LTBP2: variants seen among roughly 807,000 people sequenced by gnomAD.
LTBP2 encodes latent-transforming growth factor beta-binding protein 2.
Under a neutral mutation model 210.6 loss-of-function variants are expected in LTBP2, and 103 were observed. The observed-to-expected ratio is 0.49, with a 90% confidence interval of 0.42 to 0.58. The LOEUF is 0.58. Ranked by LOEUF, LTBP2 falls within the 20% of genes least tolerant of loss-of-function variation. LTBP2 has a pLI of 0.00. For missense variants in LTBP2, 2,313 were observed against 2,494.5 expected (o/e 0.93, Z 1.55); for synonymous variants, 1,007 against 1,015.0 (o/e 0.99, Z 0.15).
intron 3 of LTBP2, among the ~76,000 whole-genome samples, chr14:74,574,502 G>A (rs1427356844): frequency 6.6e-6 from 1 of 152,148 alleles, no homozygotes; most frequent in Non-Finnish European, 1.5e-5. Context: ...TCTAAAGTGG[G>A]GACAGCAAGG....
chr14:74,524,258 G>A (rs563319552), intron 15 of LTBP2, among the ~76,000 whole-genome samples: 3 of 152,294 alleles, frequency 2.0e-5, no homozygotes, highest in Non-Finnish European at 2.9e-5. Context: ...CTGGAGCAGC[G>A]CTTTGAGCCC....
intron 3 of LTBP2, among the ~76,000 whole-genome samples, chr14:74,556,779 A>C (rs1343191531): frequency 6.6e-6 from 1 of 152,146 alleles, no homozygotes; most frequent in African/African-American, 2.4e-5. Context: ...TGGCCTCCCA[A>C]AGTGTTGGGA....
intron 3 of LTBP2, among the ~76,000 whole-genome samples, chr14:74,561,984 T>A (rs2087800044): frequency 6.6e-6 from 1 of 152,024 alleles, no homozygotes; most frequent in South Asian, 2.1e-4. Context: ...CCGAGGCGGA[T>A]GGATCACCTG....
At chr14:74,592,453 T>G (rs577702183) in intron 2 of LTBP2, among the ~76,000 whole-genome samples, 1 of 152,166 alleles carries the variant, frequency 6.6e-6, no homozygotes, top group Non-Finnish European at 1.5e-5. Context: ...AGGATTGCCT[T>G]AGTCCAAGGG....
chr14:74,579,624 C>T lies in LTBP2; in HGVS notation c.830+6230G>A, dbSNP rs116954161. ...ATGCAGGCACATGCTGCCATACGCT[C>T]CCAGCAGTCCTGGCACTCACCACCT... On this transcript the variant is annotated intron_variant, in intron 3 of 35. Coordinates refer to ENST00000261978, the MANE Select transcript of LTBP2 (RefSeq NM_000428.3). Among the ~76,000 whole-genome samples, 8 of 152,360 alleles carry T rather than the reference C, an allele frequency of 5.3e-5. No homozygotes were observed. In the East Asian group the frequency reaches 1.5e-3, roughly 29 times the overall value.
intron 3 of LTBP2, among the ~76,000 whole-genome samples, chr14:74,569,984 A>G (rs1023440884): frequency 6.6e-6 from 1 of 152,168 alleles, no homozygotes; most frequent in South Asian, 2.1e-4. Flanking sequence ...GTGATGCTGC[A>G]TTAACTACAA....
At chr14:74,509,020 A>G (rs1207098460) in intron 22 of LTBP2, 68 bp from the exon 23 acceptor site, 3 of 1,602,648 alleles carry the variant, frequency 1.9e-6, no homozygotes, top group Admixed American at 1.7e-5. Flanking sequence ...GTCAAGGGGG[A>G]AGTCTCCAGA....
At chr14:74,600,089 G>A (rs1004480496) in intron 2 of LTBP2, among the ~76,000 whole-genome samples, 1 of 152,204 alleles carries the variant, frequency 6.6e-6, no homozygotes, top group African/African-American at 2.4e-5. Context: ...GCCAGCTGAC[G>A]GGGTGTGGAG....
At chr14:74,554,071 G>A (rs889578213) in intron 4 of LTBP2, among the ~76,000 whole-genome samples, 2 of 151,974 alleles carry the variant, frequency 1.3e-5, no homozygotes, top group Admixed American at 6.6e-5. Flanking sequence ...CAGCGTTCCA[G>A]AGGAAATGAC....
At chr14:74,599,974 G>C (rs2088421745) in intron 2 of LTBP2, among the ~76,000 whole-genome samples, 5 of 152,226 alleles carry the variant, frequency 3.3e-5, no homozygotes, top group Non-Finnish European at 1.5e-5. Context: ...GAAACTGCTA[G>C]GACAGAATCA....
rs1487751440 is a variant in LTBP2 at position 74,505,202 on chromosome 14, C to T, written c.4178-28G>A. 5 of 1,608,490 alleles carry T rather than the reference C, an allele frequency of 3.1e-6. No homozygotes were observed. In the Admixed American group the frequency reaches 5.0e-5, roughly 16 times the overall value. ...GTGCGTGACAGATGCTCATTACTGT[C>T]TGTTCATGACCCTCTAAGGGGGGTC... is the stretch of plus-strand genomic sequence containing the variant. On this transcript the variant is annotated intron_variant, in intron 28 of 35. Transcript: ENST00000261978.
At position 74,532,558 on chromosome 14, in the gene LTBP2, T is replaced by G; in HGVS notation, c.1865-10A>C. ...AAGCACTCGTTGATATCTGCAGGGT[T>G]GGAGGAGATGACCAAGTGCCCGCCC... On this transcript the variant is annotated splice_polypyrimidine_tract_variant and intron_variant, in intron 9 of 35. Coordinates refer to ENST00000261978, the MANE Select transcript of LTBP2 (RefSeq NM_000428.3). The G allele has an allele frequency of 6.2e-7, 1 of 1,613,934 alleles. No individual in the cohort carries two copies.
In LTBP2 at chr14:74,500,581, G is replaced by T; in HGVS notation, c.*303C>A. On this transcript the variant is annotated 3_prime_UTR_variant, in exon 36 of 36. Coordinates refer to ENST00000261978, the MANE Select transcript of LTBP2 (RefSeq NM_000428.3). ...CCTTGCATGCTCGCACAGCTTGGGA[G>T]GGTGGATGAGGGCCATCCTTTGGTA... 1 of 507,708 alleles carries T rather than the reference G, an allele frequency of 2.0e-6. No individual in the cohort carries two copies. Among genetic ancestry groups the T allele is most frequent in the Non-Finnish European group, 3.6e-6 (1 of 276,414 alleles). 31.5% of individuals were successfully genotyped at this position (507,708 alleles called of 1,614,324 possible). A position where few individuals can be genotyped will look rare whatever the true frequency, so the allele number is the denominator to read the frequency against.
chr14:74,499,856 G>A lies in LTBP2; in HGVS notation c.*1028C>T, dbSNP rs183438163. 1.1e-4 allele frequency: 26 copies of A among 230,756 alleles called. No individual in the cohort carries two copies. Among genetic ancestry groups the A allele is most frequent in the Admixed American group, 3.4e-4 (6 of 17,658 alleles). The allele number at this position is 230,756 out of a possible 1,614,324, so 14.3% of individuals were successfully genotyped here. On this transcript the variant is annotated 3_prime_UTR_variant, in exon 36 of 36. Transcript: ENST00000261978. ...TAAACTCAGAGGAATGCCTGCCATC[G>A]TTTTCTGAAGGGAAAGGGCAGGGGT...
At chr14:74,532,014 G>A (rs2087356295) in intron 10 of LTBP2, among the ~76,000 whole-genome samples, 1 of 152,236 alleles carries the variant, frequency 6.6e-6, no homozygotes, top group Non-Finnish European at 1.5e-5. Flanking sequence ...CTCCATGAAT[G>A]CTATGGACAG....
chr14:74,580,375 C>T (rs990509104), intron 3 of LTBP2, among the ~76,000 whole-genome samples: 1 of 152,078 alleles, frequency 6.6e-6, no homozygotes, highest in Admixed American at 6.5e-5. Context: ...TAGGGAGGAC[C>T]CTAAATCCAA....
At chr14:74,600,113 C>T (rs1384238532) in intron 2 of LTBP2, among the ~76,000 whole-genome samples, 1 of 152,214 alleles carries the variant, frequency 6.6e-6, no homozygotes, top group Non-Finnish European at 1.5e-5. Flanking sequence ...AGAGCCCCAC[C>T]TTCTGCGGAG....
At chr14:74,585,748 C>T (rs2088195126) in intron 3 of LTBP2, 106 bp downstream of exon 3, 5 of 1,548,062 alleles carry the variant, frequency 3.2e-6, no homozygotes, top group Admixed American at 3.6e-5. Flanking sequence ...GAAGGGAGGA[C>T]TCTGCGGCCT....
chr14:74,605,384 T>C (rs1295790683), intron 1 of LTBP2, among the ~76,000 whole-genome samples: 3 of 152,156 alleles, frequency 2.0e-5, no homozygotes, highest in Non-Finnish European at 4.4e-5. Flanking sequence ...GTTGTGCCAC[T>C]TGGGCCACCT....
Sources: gnomAD v4.1 joint callset for allele counts (sites outside exome capture counted in the v4.1 genomes callset) on GRCh38, gnomAD v4.1.1 for gene constraint, MANE v1.5 for transcripts, NCBI Gene and HGNC (gene_info 2026-07-23, HGNC 2026-07-21) for gene names.